EPHA7: variants seen among roughly 807,000 people sequenced by gnomAD.
EPHA7 encodes ephrin type-A receptor 7.
A neutral mutation model predicts 112.6 loss-of-function variants in EPHA7; 25 were observed. The observed-to-expected ratio is 0.22, with a 90% CI of 0.16 to 0.31. The LOEUF (loss-of-function observed/expected upper bound fraction) is 0.31. EPHA7 is among the 10% of genes least tolerant of loss of function. The pLI is 1.00. For missense variants in EPHA7, 962 were observed against 1,212.6 expected (o/e 0.79, Z 3.07); for synonymous variants, 437 against 406.5 (o/e 1.07, Z -0.90).
intron 5 of EPHA7, among the ~76,000 whole-genome samples, chr6:93,310,943 C>T (rs917328770): frequency 6.6e-6 from 1 of 151,684 alleles, no homozygotes; most frequent in African/African-American, 2.4e-5. Context: ...TTTTGTGAAA[C>T]ATGTCTCTCT....
intron 5 of EPHA7, among the ~76,000 whole-genome samples, chr6:93,342,294 T>G (rs546041996): frequency 4.3e-5 from 6 of 139,816 alleles, no homozygotes; most frequent in Non-Finnish European, 9.3e-5. Flanking sequence ...CATGATACCA[T>G]AAGACAAAAA....
At chr6:93,328,115 A>T (rs1314247571) in intron 5 of EPHA7, among the ~76,000 whole-genome samples, 1 of 151,444 alleles carries the variant, frequency 6.6e-6, no homozygotes, top group Non-Finnish European at 1.5e-5. Context: ...TCTGTCCAGA[A>T]CACTCTTCTT....
intron 5 of EPHA7, among the ~76,000 whole-genome samples, chr6:93,299,721 C>T (rs1772873193): frequency 6.6e-6 from 1 of 152,132 alleles, no homozygotes; most frequent in Non-Finnish European, 1.5e-5. Flanking sequence ...ATGGAATCAA[C>T]TTAAATGCCC....
intron 7 of EPHA7, 105 bp downstream of exon 7, chr6:93,269,372 A>T (rs3757224): frequency 0.48 from 380,656 of 790,874 alleles, 95,403 homozygotes; most frequent in East Asian, 0.71. Context: ...TTTATTTGTA[A>T]ATGTAAAAAT....
intron 5 of EPHA7, among the ~76,000 whole-genome samples, chr6:93,300,029 G>A (rs149398571): frequency 5.3e-5 from 8 of 152,216 alleles, no homozygotes; most frequent in African/African-American, 1.9e-4. Context: ...TGGGTAGTAG[G>A]CTTAGTATCT....
At position 93,419,540 on chromosome 6, in the gene EPHA7, C is replaced by A. The variant is rs1779425238; in HGVS notation, c.-199G>T. The stretch of plus-strand genomic sequence containing the variant: ...TCGCTCGCACCGTGTTTGCTGCCTG[C>A]AAGTCTCCGACTGCAGACCGGCCGC... On this transcript the variant is annotated 5_prime_UTR_variant, in exon 1 of 17. Coordinates refer to ENST00000369303, the MANE Select transcript of EPHA7 (RefSeq NM_004440.4). 6.4e-6 allele frequency: 3 copies of A among 470,940 alleles called. 1 individual carries two copies. In the South Asian group the frequency reaches 8.0e-5, roughly 13 times the overall value. The allele number at this position is 470,940 out of a possible 1,614,324, so 29.2% of individuals were successfully genotyped here. A position where few individuals can be genotyped will look rare whatever the true frequency, so the allele number is the denominator to read the frequency against.
chr6:93,322,989 T>C (rs1375908206), intron 5 of EPHA7, among the ~76,000 whole-genome samples: 1 of 151,558 alleles, frequency 6.6e-6, no homozygotes, highest in Non-Finnish European at 1.5e-5. Flanking sequence ...AATTTAAAAG[T>C]TTGAATGAAG....
intron 3 of EPHA7, among the ~76,000 whole-genome samples, chr6:93,359,234 A>G (rs1365571371): frequency 6.6e-6 from 1 of 152,106 alleles, no homozygotes; most frequent in Non-Finnish European, 1.5e-5. Context: ...AGTTGCTCTT[A>G]TTCATTTAGA....
At chr6:93,351,513 G>C (rs1775693147) in intron 5 of EPHA7, among the ~76,000 whole-genome samples, 1 of 151,966 alleles carries the variant, frequency 6.6e-6, no homozygotes, top group African/African-American at 2.4e-5. Context: ...CGTTAAAATA[G>C]TTATCACTCT....
intron 3 of EPHA7, among the ~76,000 whole-genome samples, chr6:93,387,690 CA>C (rs1167279632): frequency 1.3e-5 from 2 of 152,014 alleles, no homozygotes; most frequent in Non-Finnish European, 2.9e-5. Flanking sequence ...GAAGGGGAAA[CA>C]GACATATCCT....
At position 93,243,209 on chromosome 6, in the gene EPHA7, C is replaced by T. The variant is rs1346770606; in HGVS notation, c.*217G>A. The stretch of plus-strand genomic sequence containing the variant: ...GGTAGTACTTTGTTTATTGTCACTG[C>T]TATTTTCCTGGCCACCGATGGTGGA... On this transcript the variant is annotated 3_prime_UTR_variant, in exon 17 of 17. Coordinates refer to ENST00000369303, the MANE Select transcript of EPHA7 (RefSeq NM_004440.4). The T allele has an allele frequency of 9.8e-6, 4 of 408,234 alleles. No homozygotes were observed. The highest frequency in any genetic ancestry group is 1.7e-5 in the Non-Finnish European group (4 of 229,330). The allele number at this position is 408,234 out of a possible 1,614,324, so 25.3% of individuals were successfully genotyped here. A position where few individuals can be genotyped will look rare whatever the true frequency, so the allele number is the denominator to read the frequency against.
chr6:93,247,619 GA>G (rs1305906166), intron 14 of EPHA7, among the ~76,000 whole-genome samples: 2 of 152,126 alleles, frequency 1.3e-5, no homozygotes, highest in East Asian at 3.9e-4. Context: ...CAGCGTGGGG[GA>G]AGGGTTACAG....
At chr6:93,404,153 G>A (rs1309425701) in intron 3 of EPHA7, among the ~76,000 whole-genome samples, 1 of 151,982 alleles carries the variant, frequency 6.6e-6, no homozygotes, top group African/African-American at 2.4e-5. Context: ...GTAATTAGAA[G>A]CCTGAAGCTT....
intron 5 of EPHA7, among the ~76,000 whole-genome samples, chr6:93,292,957 AG>A (rs1772457796): frequency 6.6e-6 from 1 of 152,128 alleles, no homozygotes; most frequent in Non-Finnish European, 1.5e-5. Context: ...GGGCACAAAG[AG>A]GGTAAGAAAG....
chr6:93,295,142 T>C (rs374654689), intron 5 of EPHA7, among the ~76,000 whole-genome samples: 3 of 151,826 alleles, frequency 2.0e-5, no homozygotes, highest in East Asian at 3.9e-4. Context: ...ATTTTGAACT[T>C]TGTGTGAATG....
chr6:93,355,682 T>A (rs1775909479), intron 5 of EPHA7, among the ~76,000 whole-genome samples: 1 of 152,184 alleles, frequency 6.6e-6, no homozygotes, highest in South Asian at 2.1e-4. Context: ...AGCAGTAAGA[T>A]TTTTCTGAAG....
At chr6:93,406,406 A>G (rs1434889713) in intron 3 of EPHA7, among the ~76,000 whole-genome samples, 2 of 151,854 alleles carry the variant, frequency 1.3e-5, no homozygotes, top group Admixed American at 1.3e-4. Flanking sequence ...TCCCAGGCAT[A>G]TCGGGCATAT....
rs1214598394 is a variant in EPHA7 at position 93,280,840 on chromosome 6, T to C, written c.1325-8418A>G. Among the ~76,000 whole-genome samples the C allele has an allele frequency of 7.2e-5, 11 of 152,164 alleles. 1 individual carries two copies. In the East Asian group the frequency reaches 2.1e-3, roughly 29 times the overall value. On this transcript the variant is annotated intron_variant, in intron 5 of 16. Coordinates refer to ENST00000369303, the MANE Select transcript of EPHA7 (RefSeq NM_004440.4). Reference sequence around the variant, plus strand: ...CAAAAAAAAAGTATTATTATTCTATTATGACTTTGTTTGTATTAAAATTAC... The same window carrying C: ...CAAAAAAAAAGTATTATTATTCTATCATGACTTTGTTTGTATTAAAATTAC...
intron 5 of EPHA7, among the ~76,000 whole-genome samples, chr6:93,335,039 CA>C (rs1774793262): frequency 6.6e-6 from 1 of 152,040 alleles, no homozygotes; most frequent in Non-Finnish European, 1.5e-5. Flanking sequence ...GGTGTTGTCT[CA>C]CCCAGCAACT....
Sources: allele counts gnomAD v4.1 joint callset (sites outside exome capture counted in the v4.1 genomes callset), GRCh38; gene constraint gnomAD v4.1.1; transcripts MANE v1.5; gene names NCBI Gene and HGNC (gene_info 2026-07-23, HGNC 2026-07-21).